The following MEI4 variants were observed in gnomAD, a reference collection of about 807,000 sequenced individuals.
MEI4 encodes meiotic double-stranded break formation protein 4.
In MEI4, 27 loss-of-function variants were observed where a neutral mutation model predicts 31.4. The observed-to-expected ratio is 0.86, with a 90% confidence interval of 0.63 to 1.19. MEI4 has a LOEUF of 1.19. Among genes scored for constraint, MEI4 ranks in the 50% most tolerant of loss-of-function variants. The probability of loss-of-function intolerance (pLI) is 0.00; values close to 1 mark genes in which losing one functional copy is unlikely to be tolerated. For missense variants in MEI4, 329 were observed against 398.9 expected (o/e 0.82, Z 1.49); for synonymous variants, 122 against 145.4 (o/e 0.84, Z 1.16).
At chr6:77,877,011 T>G (rs1369983128) in intron 4 of MEI4, among the ~76,000 whole-genome samples, 1 of 152,152 alleles carries the variant, frequency 6.6e-6, no homozygotes, top group African/African-American at 2.4e-5. Flanking sequence ...TCTTGCAGAA[T>G]AGATACTTGC....
chr6:77,890,155 C>A (rs1450825411), intron 4 of MEI4, among the ~76,000 whole-genome samples: 1 of 152,152 alleles, frequency 6.6e-6, no homozygotes, highest in Non-Finnish European at 1.5e-5. Flanking sequence ...ATCGTCCAGA[C>A]CCCAGAATCA....
chr6:77,790,799 A>C (rs1768902726), intron 3 of MEI4, among the ~76,000 whole-genome samples: 4 of 152,184 alleles, frequency 2.6e-5, no homozygotes. Context: ...GGCGTTTTGA[A>C]ATATCTGTAC....
intron 2 of MEI4, among the ~76,000 whole-genome samples, chr6:77,715,977 C>T (rs1417887224): frequency 1.3e-5 from 2 of 151,844 alleles, no homozygotes; most frequent in South Asian, 2.1e-4. Flanking sequence ...TTATGTGATT[C>T]CACAGTGACA....
chr6:77,920,959 T>C (rs890661715), intron 4 of MEI4, among the ~76,000 whole-genome samples: 1 of 151,886 alleles, frequency 6.6e-6, no homozygotes, highest in Non-Finnish European at 1.5e-5. Flanking sequence ...AATAAATACT[T>C]AAGGATTCCA....
intron 2 of MEI4, among the ~76,000 whole-genome samples, chr6:77,694,918 G>A (rs1462508099): frequency 6.6e-6 from 1 of 150,618 alleles, no homozygotes; most frequent in Admixed American, 6.6e-5. Flanking sequence ...ATCCTCTCCA[G>A]CACCTGTTGT....
At chr6:77,870,257 G>C (rs1401837016) in intron 4 of MEI4, among the ~76,000 whole-genome samples, 1 of 152,164 alleles carries the variant, frequency 6.6e-6, no homozygotes, top group African/African-American at 2.4e-5. Context: ...GTGAACCACA[G>C]CTCCCAATCA....
intron 4 of MEI4, among the ~76,000 whole-genome samples, chr6:77,839,193 T>C (rs1228688352): frequency 6.6e-6 from 1 of 152,108 alleles, no homozygotes; most frequent in Admixed American, 6.6e-5. Flanking sequence ...GTCTTTCTTT[T>C]TGTATTTGTT....
intron 4 of MEI4, among the ~76,000 whole-genome samples, chr6:77,868,067 G>T (rs1228700459): frequency 6.8e-6 from 1 of 147,914 alleles, no homozygotes; most frequent in African/African-American, 2.5e-5. Context: ...GGGGACTGTT[G>T]TGGGGTGAGG....
intron 3 of MEI4, among the ~76,000 whole-genome samples, chr6:77,809,819 A>G (rs967241086): frequency 7.2e-5 from 11 of 152,224 alleles, no homozygotes; most frequent in African/African-American, 2.7e-4. Context: ...GAAATAGAAT[A>G]TCTGAGACAT....
At chr6:77,869,733 T>C (rs1479440758) in intron 4 of MEI4, among the ~76,000 whole-genome samples, 1 of 152,098 alleles carries the variant, frequency 6.6e-6, no homozygotes, top group Non-Finnish European at 1.5e-5. Flanking sequence ...GAGTTGACAT[T>C]TGAACACTAG....
At chr6:77,685,028 T>C (rs1181033029) in intron 1 of MEI4, among the ~76,000 whole-genome samples, 3 of 152,196 alleles carry the variant, frequency 2.0e-5, no homozygotes, top group Non-Finnish European at 4.4e-5. Flanking sequence ...TGCCTGTCTT[T>C]TGGATATAAG....
chr6:77,762,056 A>G (rs1038455705), intron 3 of MEI4, among the ~76,000 whole-genome samples: 1 of 152,154 alleles, frequency 6.6e-6, no homozygotes, highest in Non-Finnish European at 1.5e-5. Flanking sequence ...GTGAGTGTTA[A>G]ATTCCTCATG....
At chr6:77,765,481 A>G (rs1020673416) in intron 3 of MEI4, among the ~76,000 whole-genome samples, 1 of 151,568 alleles carries the variant, frequency 6.6e-6, no homozygotes, top group Non-Finnish European at 1.5e-5. Flanking sequence ...TTTGTTACAT[A>G]TGTATACATG....
intron 4 of MEI4, among the ~76,000 whole-genome samples, chr6:77,866,336 G>C (rs1771027163): frequency 6.6e-6 from 1 of 152,134 alleles, no homozygotes; most frequent in Admixed American, 6.6e-5. Flanking sequence ...AAACCCCATT[G>C]TCTCAGCCCA....
intron 3 of MEI4, among the ~76,000 whole-genome samples, chr6:77,821,562 G>A (rs1369687027): frequency 2.6e-5 from 4 of 152,010 alleles, no homozygotes; most frequent in South Asian, 2.1e-4. Context: ...TTGGGAGGCC[G>A]AGACAGGTGG....
At chr6:77,832,226 CTTTA>C (rs1413239294) in intron 4 of MEI4, among the ~76,000 whole-genome samples, 1 of 151,930 alleles carries the variant, frequency 6.6e-6, no homozygotes, top group Non-Finnish European at 1.5e-5. Flanking sequence ...ACTTTAAAGA[CTTTA>C]TTTCTCTGTC....
intron 3 of MEI4, among the ~76,000 whole-genome samples, chr6:77,790,333 C>T (rs1313545105): frequency 6.6e-6 from 1 of 151,812 alleles, no homozygotes; most frequent in Non-Finnish European, 1.5e-5. Flanking sequence ...AGCACACCAA[C>T]ATGGCACATG....
At chr6:77,917,214 A>G (rs1766580392) in intron 4 of MEI4, among the ~76,000 whole-genome samples, 3 of 151,974 alleles carry the variant, frequency 2.0e-5, no homozygotes, top group African/African-American at 7.3e-5. Flanking sequence ...TATTGTGAAT[A>G]ATGCCGCAAT....
chr6:77,781,790 C>T (rs1278068691), intron 3 of MEI4, among the ~76,000 whole-genome samples: 3 of 152,172 alleles, frequency 2.0e-5, no homozygotes, highest in Non-Finnish European at 4.4e-5. Context: ...TTAAACAGGA[C>T]AGTTGCTGCC....
Sources: gnomAD v4.1 joint callset for allele counts (sites outside exome capture counted in the v4.1 genomes callset) on GRCh38, gnomAD v4.1.1 for gene constraint, MANE v1.5 for transcripts, NCBI Gene and HGNC (gene_info 2026-07-23, HGNC 2026-07-21) for gene names.